Variants in TMC1 observed in about 807,000 individuals in gnomAD.
The protein encoded by TMC1 is transmembrane channel like 1, also known as transmembrane channel-like protein 1.
Under a neutral mutation model 105.8 loss-of-function variants are expected in TMC1, and 84 were observed. The observed-to-expected ratio is 0.79, with a 90% confidence interval of 0.67 to 0.95. The LOEUF (loss-of-function observed/expected upper bound fraction) is 0.95. TMC1 is among the 40% of genes least tolerant of loss of function. The pLI is 0.00. For missense variants in TMC1, 817 were observed against 914.1 expected, an observed-to-expected ratio of 0.89 and a Z score of 1.37; for synonymous variants, 315 against 311.5, an observed-to-expected ratio of 1.01 and a Z score of -0.12.
chr9:72,782,158 T>C (rs1828103362), intron 13 of TMC1, among the ~76,000 whole-genome samples: 1 of 152,122 alleles, frequency 6.6e-6, no homozygotes. Flanking sequence ...TGGTTCAACA[T>C]ACACAAATAA....
intron 18 of TMC1, among the ~76,000 whole-genome samples, chr9:72,810,611 T>A (rs1346175691): frequency 2.6e-5 from 4 of 152,168 alleles, no homozygotes. Flanking sequence ...TATACGTATA[T>A]ATGTGTGTAA....
Position 72,754,783 on chromosome 9 carries a change from C to T in TMC1, c.643-3C>T, listed in dbSNP as rs1271116559. On this transcript the variant is annotated splice_region_variant and splice_polypyrimidine_tract_variant and intron_variant, in intron 11 of 23. Coordinates refer to ENST00000297784, the MANE Select transcript of TMC1 (RefSeq NM_138691.3). The stretch of plus-strand genomic sequence containing the variant: ...TCACTGCTTTCTTTGCTTCTTCATA[C>T]AGTACCTCTGGGGTTTGCCATATGG... 2.5e-6 allele frequency: 4 copies of T among 1,610,408 alleles called. No homozygotes were observed. The highest frequency in any genetic ancestry group is 2.7e-5 in the African/African-American group (2 of 74,852).
chr9:72,699,570 G>A (rs1393393237), intron 7 of TMC1, among the ~76,000 whole-genome samples: 1 of 152,110 alleles, frequency 6.6e-6, no homozygotes, highest in African/African-American at 2.4e-5. Context: ...AGGTATTCAA[G>A]GGAACAAAGA....
At chr9:72,666,469 A>G (rs573755664) in intron 5 of TMC1, among the ~76,000 whole-genome samples, 2 of 152,278 alleles carry the variant, frequency 1.3e-5, no homozygotes, top group East Asian at 3.9e-4. Flanking sequence ...TTCCTCTTGG[A>G]CAAATTTCCT....
At chr9:72,546,170 G>C (rs1564401597) in intron 1 of TMC1, among the ~76,000 whole-genome samples, 1 of 151,952 alleles carries the variant, frequency 6.6e-6, no homozygotes, top group Non-Finnish European at 1.5e-5. Flanking sequence ...GTGCATGTCT[G>C]TAATCCCAGC....
At chr9:72,572,740 C>T (rs948777070) in intron 1 of TMC1, among the ~76,000 whole-genome samples, 21 of 152,086 alleles carry the variant, frequency 1.4e-4, no homozygotes, top group Non-Finnish European at 2.1e-4. Flanking sequence ...TGTAATCTCC[C>T]AGCACTTTGG....
chr9:72,719,113 G>T (rs528933349), intron 8 of TMC1, among the ~76,000 whole-genome samples: 8 of 152,276 alleles, frequency 5.3e-5, no homozygotes, highest in Admixed American at 4.6e-4. Context: ...CTTGCCCCAG[G>T]TTACCAGCCT....
chr9:72,640,856 C>G (rs566585958), intron 4 of TMC1, among the ~76,000 whole-genome samples: 46 of 152,224 alleles, frequency 3.0e-4, no homozygotes, highest in African/African-American at 1.1e-3. Context: ...TGATCTCAAT[C>G]TCCTGACCTC....
intron 8 of TMC1, among the ~76,000 whole-genome samples, chr9:72,729,577 A>G (rs1827174194): frequency 6.6e-6 from 1 of 152,190 alleles, no homozygotes; most frequent in South Asian, 2.1e-4. Flanking sequence ...TATATAATAT[A>G]GTAGCTTTTT....
At chr9:72,802,248 TAC>T (rs1207708771) in intron 17 of TMC1, among the ~76,000 whole-genome samples, 13 of 145,956 alleles carry the variant, frequency 8.9e-5, no homozygotes, top group Non-Finnish European at 1.4e-4. Context: ...CATACATACA[TAC>T]ATATATACAT....
intron 12 of TMC1, among the ~76,000 whole-genome samples, chr9:72,757,921 G>A (rs544174133): frequency 6.6e-6 from 1 of 152,212 alleles, no homozygotes; most frequent in East Asian, 1.9e-4. Context: ...TGTGGATAGT[G>A]GCAAGCTAGT....
At chr9:72,823,572 T>G (rs1402375351) in intron 20 of TMC1, among the ~76,000 whole-genome samples, 2 of 152,234 alleles carry the variant, frequency 1.3e-5, no homozygotes, top group African/African-American at 4.8e-5. Flanking sequence ...TGTCTGGTTT[T>G]ATAAGACCTG....
intron 4 of TMC1, among the ~76,000 whole-genome samples, chr9:72,628,923 C>A (rs943510667): frequency 1.3e-5 from 2 of 152,080 alleles, no homozygotes; most frequent in African/African-American, 4.8e-5. Flanking sequence ...GTATTATTGA[C>A]TTGATGATGC....
intron 17 of TMC1, among the ~76,000 whole-genome samples, chr9:72,804,302 G>A (rs1021755530): frequency 6.6e-6 from 1 of 152,140 alleles, no homozygotes; most frequent in African/African-American, 2.4e-5. Flanking sequence ...TTAGGTGATG[G>A]ATTGATAGGT....
chr9:72,649,752 G>T (rs1825770511), intron 5 of TMC1, among the ~76,000 whole-genome samples: 1 of 152,100 alleles, frequency 6.6e-6, no homozygotes, highest in South Asian at 2.1e-4. Context: ...GTAAGAACAG[G>T]ATTCAAATCT....
chr9:72,584,392 A>G (rs934198984), intron 2 of TMC1, among the ~76,000 whole-genome samples: 3 of 151,980 alleles, frequency 2.0e-5, no homozygotes, highest in Non-Finnish European at 2.9e-5. Context: ...CAACCTCCCA[A>G]GTAGCTGGGA....
At chr9:72,537,500 C>T (rs4326437) in intron 1 of TMC1, among the ~76,000 whole-genome samples, 2 of 152,008 alleles carry the variant, frequency 1.3e-5, no homozygotes, top group African/African-American at 4.8e-5. Context: ...ATCTAGTTTA[C>T]AATCATATTT....
intron 2 of TMC1, among the ~76,000 whole-genome samples, chr9:72,612,464 A>G (rs1211984465): frequency 1.4e-5 from 2 of 146,924 alleles, no homozygotes; most frequent in Non-Finnish European, 3.0e-5. Flanking sequence ...AAGAGCCACC[A>G]CTCCCGGCCC....
At position 72,668,473 on chromosome 9, in the gene TMC1, T is replaced by C. The variant is rs79600154; in HGVS notation, c.16+19809T>C. 4.5e-4 allele frequency among the ~76,000 whole-genome samples: 69 copies of C among 152,342 alleles called. 2 individuals carry two copies. The East Asian group carries it at 0.013, about 28-fold the overall frequency. ...CGAGTGAATTATCTGGAGCTCTTTC[T>C]GCTTCTGTTTTCTTCTCTGTACAAT... On this transcript the variant is annotated intron_variant, in intron 5 of 23. Coordinates refer to ENST00000297784, the MANE Select transcript of TMC1 (RefSeq NM_138691.3).
Sources: allele counts gnomAD v4.1 joint callset (sites outside exome capture counted in the v4.1 genomes callset), GRCh38; gene constraint gnomAD v4.1.1; transcripts MANE v1.5; gene names NCBI Gene and HGNC (gene_info 2026-07-23, HGNC 2026-07-21).